The following ORC4 variants were observed in gnomAD, a reference collection of about 807,000 sequenced individuals.
ORC4 encodes origin recognition complex subunit 4.
Under a neutral mutation model 63.9 loss-of-function variants are expected in ORC4, and 55 were observed. The observed-to-expected ratio is 0.86, with a 90% CI of 0.69 to 1.08. The LOEUF (loss-of-function observed/expected upper bound fraction) is 1.08. Ranked by LOEUF, ORC4 falls within the 50% of genes least tolerant of loss-of-function variation. The probability of loss-of-function intolerance (pLI) is 0.00; values close to 1 mark genes in which losing one functional copy is unlikely to be tolerated. For synonymous variants in ORC4, 150 were observed against 168.5 expected (o/e 0.89, Z 0.85); for missense variants, 511 against 504.4 (o/e 1.01, Z -0.13).
intron 4 of ORC4, among the ~76,000 whole-genome samples, chr2:147,969,172 C>T (rs940736394): frequency 1.3e-5 from 2 of 151,916 alleles, no homozygotes; most frequent in Admixed American, 6.6e-5. Flanking sequence ...ATAATGAACA[C>T]AAAATTACAG....
At chr2:148,000,715 G>A (rs1692249290) in intron 1 of ORC4, among the ~76,000 whole-genome samples, 1 of 152,092 alleles carries the variant, frequency 6.6e-6, no homozygotes, top group Non-Finnish European at 1.5e-5. Flanking sequence ...CTTGATGATG[G>A]ATAAACTGAT....
chr2:148,005,963 A>G (rs1692602837), intron 1 of ORC4, among the ~76,000 whole-genome samples: 1 of 152,200 alleles, frequency 6.6e-6, no homozygotes, highest in Non-Finnish European at 1.5e-5. Flanking sequence ...TGGGTGACAG[A>G]GTGAGACCCT....
chr2:147,965,464 A>C (rs1689846067), intron 4 of ORC4, among the ~76,000 whole-genome samples: 1 of 152,210 alleles, frequency 6.6e-6, no homozygotes, highest in Non-Finnish European at 1.5e-5. Context: ...AAGTGATAAG[A>C]AAGTTGTAAA....
At position 147,952,500 on chromosome 2, in the gene ORC4, A is replaced by G. The variant is rs751227120; in HGVS notation, c.461T>C (p.Val154Ala). The change falls in exon 8 of 14, where the codon GTG (valine) becomes GCG (alanine). Residue 154 changes from valine (V) to alanine (A), a missense_variant. Transcript: ENST00000392857. ...ATCAAATTCATCTAATATGAAGATCACTGGGCAACTGCTAGTTCGGTCACC... is the reference window on the plus strand; with the variant it reads ...ATCAAATTCATCTAATATGAAGATCGCTGGGCAACTGCTAGTTCGGTCACC... ...KKGDRTSSCP[V>A]IFILDEFDLF... is the part of the protein sequence containing the mutation. The G allele has an allele frequency of 1.2e-6, 2 of 1,611,404 alleles. No individual in the cohort carries two copies. Among genetic ancestry groups the G allele is most frequent in the Non-Finnish European group, 1.7e-6 (2 of 1,177,544 alleles).
At chr2:148,001,611 A>G (rs1474423029) in intron 1 of ORC4, among the ~76,000 whole-genome samples, 4 of 152,208 alleles carry the variant, frequency 2.6e-5, no homozygotes, top group Admixed American at 2.0e-4. Flanking sequence ...TGAAGGAAGC[A>G]CTAAATATGT....
chr2:147,932,393 C>G lies in ORC4; in HGVS notation c.*3117G>C, dbSNP rs941723496. On this transcript the variant is annotated 3_prime_UTR_variant, in exon 14 of 14. Transcript: ENST00000392857. ...TGGCCATACTGCCCAAGGTAATTTA[C>G]AGATTCAATGCCATCCCCATCAAGC... The G allele has an allele frequency of 6.6e-6, 1 of 151,964 alleles. No homozygotes were observed. The highest frequency in any genetic ancestry group is 1.9e-4 in the East Asian group (1 of 5,176). 9.4% of individuals were successfully genotyped at this position (151,964 alleles called of 1,614,324 possible). A position where few individuals can be genotyped will look rare whatever the true frequency, so the allele number is the denominator to read the frequency against.
At chr2:148,005,656 CAAAAAAA>C (rs55869341) in intron 1 of ORC4, among the ~76,000 whole-genome samples, 12 of 51,488 alleles carry the variant, frequency 2.3e-4, no homozygotes, top group Middle Eastern at 0.022. Context: ...ACTATCCATG[CAAAAAAA>C]AAAAAAAAAA....
chr2:147,958,257 CT>C, intron 6 of ORC4, 40 bp downstream of exon 6: 1 of 1,276,666 alleles, frequency 7.8e-7, no homozygotes, highest in Non-Finnish European at 1.1e-6. Context: ...AAGACATTAC[CT>C]TAAAAGTCTA....
chr2:147,995,010 C>T (rs909869019), intron 1 of ORC4, among the ~76,000 whole-genome samples: 3 of 152,162 alleles, frequency 2.0e-5, no homozygotes, highest in African/African-American at 7.2e-5. Context: ...CACCAATCAG[C>T]ACTCAATAAA....
upstream of ORC4, chr2:148,020,950 A>G (rs1013474422): frequency 6.6e-6 from 1 of 152,226 alleles, no homozygotes; most frequent in African/African-American, 2.4e-5. Flanking sequence ...CCGGGTCGCT[A>G]GCGCCTCGAC....
intron 1 of ORC4, among the ~76,000 whole-genome samples, chr2:148,013,837 G>T (rs955727977): frequency 3.9e-5 from 6 of 152,198 alleles, no homozygotes; most frequent in African/African-American, 1.4e-4. Flanking sequence ...GGTAGTGGCA[G>T]ACAGGACCAA....
chr2:148,015,757 T>C (rs1203803240), intron 1 of ORC4, among the ~76,000 whole-genome samples: 4 of 152,066 alleles, frequency 2.6e-5, no homozygotes, highest in African/African-American at 9.7e-5. Flanking sequence ...AAAAGCAAAG[T>C]TGAGTGATTT....
intron 4 of ORC4, among the ~76,000 whole-genome samples, chr2:147,961,914 AT>A (rs1689616366): frequency 6.6e-6 from 1 of 152,212 alleles, no homozygotes; most frequent in South Asian, 2.1e-4. Context: ...GATTAAAAAG[AT>A]TAAGTTCAGA....
chr2:147,949,524 T>C (rs1336207385), intron 8 of ORC4, among the ~76,000 whole-genome samples: 2 of 152,162 alleles, frequency 1.3e-5, no homozygotes, highest in South Asian at 2.1e-4. Flanking sequence ...ACCCTGTTAA[T>C]TGTATAATTT....
Position 147,935,698 on chromosome 2 carries a change from C to G in ORC4, c.1123G>C (p.Ala375Pro), listed in dbSNP as rs773769666. ...TCTAATTGCTGCAAGTGTTCAAAAG[C>G]CTGAAAGATGAAAGAAATAGTTTAG... ...YNFEKPVVMK[A>P]FEHLQQLELI... Residue 375 changes from alanine (A) to proline (P), a missense_variant and splice_region_variant, in exon 14 of 14, where the codon GCT becomes CCT. Transcript: ENST00000392857. 5.0e-6 allele frequency: 8 copies of G among 1,611,374 alleles called. No individual in the cohort carries two copies. Among genetic ancestry groups the G allele is most frequent in the Non-Finnish European group, 5.9e-6 (7 of 1,179,040 alleles).
chr2:147,980,294 CACTT>C (rs1481165790), intron 1 of ORC4, among the ~76,000 whole-genome samples: 1 of 151,924 alleles, frequency 6.6e-6, no homozygotes, highest in African/African-American at 2.4e-5. Flanking sequence ...ATTTACAAAG[CACTT>C]ACATTGTATT....
chr2:147,974,680 T>A (rs1002316659), intron 2 of ORC4, among the ~76,000 whole-genome samples: 1 of 150,664 alleles, frequency 6.6e-6, no homozygotes, highest in Admixed American at 6.6e-5. Flanking sequence ...GTAACACAAA[T>A]AGGCTTTGTA....
In ORC4 at chr2:147,938,309, A is replaced by T; in HGVS notation, c.1043T>A (p.Met348Lys). Reference protein sequence around the residue: ...IYEEEPFNFQMVYNEFQKFVQ... With the variant: ...IYEEEPFNFQKVYNEFQKFVQ... ...AAGTCTCATCTCACCATTATAGACC[A>T]TTTGAAAATTAAATGGCTCTTCCTC... is the stretch of plus-strand genomic sequence containing the variant. The change falls in exon 12 of 14, where the codon ATG becomes AAG. Residue 348 changes from methionine to lysine, a missense_variant. Coordinates refer to ENST00000392857, the MANE Select transcript of ORC4 (RefSeq NM_181741.4). The T allele has an allele frequency of 6.2e-7, 1 of 1,604,076 alleles. No homozygotes were observed. Among genetic ancestry groups the T allele is most frequent in the Admixed American group, 1.7e-5 (1 of 59,984 alleles).
At chr2:147,984,583 G>A (rs1691082781) in intron 1 of ORC4, among the ~76,000 whole-genome samples, 1 of 152,104 alleles carries the variant, frequency 6.6e-6, no homozygotes, top group Admixed American at 6.6e-5. Context: ...AACTGCGTAT[G>A]GAGGAAATTC....
Sources: gnomAD v4.1 joint callset for allele counts (sites outside exome capture counted in the v4.1 genomes callset) on GRCh38, gnomAD v4.1.1 for gene constraint, MANE v1.5 for transcripts, NCBI Gene and HGNC (gene_info 2026-07-23, HGNC 2026-07-21) for gene names.